GALNTL6: variants seen among roughly 807,000 people sequenced by gnomAD.
GALNTL6 encodes the protein polypeptide N-acetylgalactosaminyltransferase like 6.
A neutral mutation model predicts 73.7 loss-of-function variants in GALNTL6; 46 were observed. The ratio of observed to expected loss-of-function variants is 0.62; its 90% CI spans 0.49 to 0.80. The LOEUF (loss-of-function observed/expected upper bound fraction) is 0.80. GALNTL6 is among the 30% of genes least tolerant of loss of function. The pLI is 0.00. For synonymous variants in GALNTL6, 259 were observed against 263.7 expected, an observed-to-expected ratio of 0.98 and a Z score of 0.17; for missense variants, 604 against 755.0, an observed-to-expected ratio of 0.80 and a Z score of 2.34.
chr4:172,603,636 G>T (rs1383738785), intron 5 of GALNTL6, among the ~76,000 whole-genome samples: 2 of 152,046 alleles, frequency 1.3e-5, no homozygotes, highest in African/African-American at 4.8e-5. Flanking sequence ...AAAACTTAAT[G>T]GTATCTATAG....
At chr4:172,901,040 G>A (rs1746600876) in intron 8 of GALNTL6, among the ~76,000 whole-genome samples, 1 of 152,064 alleles carries the variant, frequency 6.6e-6, no homozygotes, top group East Asian at 1.9e-4. Flanking sequence ...CGATATAATT[G>A]GAATGCAGCC....
intron 5 of GALNTL6, among the ~76,000 whole-genome samples, chr4:172,660,100 G>C (rs1731288978): frequency 6.6e-6 from 1 of 152,166 alleles, no homozygotes; most frequent in East Asian, 1.9e-4. Flanking sequence ...GAAATACGTT[G>C]CTTTTTAGAA....
chr4:172,461,270 C>T lies in GALNTL6; in HGVS notation c.553+112581C>T, dbSNP rs143934865. Reference sequence around the variant, plus strand: ...TAGTAGAAAAACCTAATGTAGGTGACGGGTTGATGAGTGCAGCGAACCACC... The same window carrying T: ...TAGTAGAAAAACCTAATGTAGGTGATGGGTTGATGAGTGCAGCGAACCACC... On this transcript the variant is annotated intron_variant, in intron 5 of 12. Coordinates refer to ENST00000506823, the MANE Select transcript of GALNTL6 (RefSeq NM_001034845.3). Among the ~76,000 whole-genome samples the T allele has an allele frequency of 1.4e-4, 21 of 152,094 alleles. 1 individual carries two copies. Among genetic ancestry groups the T allele is most frequent in the South Asian group, 4.2e-4 (2 of 4,812 alleles).
intron 2 of GALNTL6, among the ~76,000 whole-genome samples, chr4:172,020,824 T>C (rs957412688): frequency 4.6e-5 from 7 of 152,002 alleles, no homozygotes; most frequent in Admixed American, 2.0e-4. Context: ...TGTATTACCC[T>C]GATACTTACA....
chr4:172,295,779 G>A (rs6846637), intron 3 of GALNTL6, among the ~76,000 whole-genome samples: 5,579 of 150,938 alleles, frequency 0.037, 336 homozygotes, highest in African/African-American at 0.13. Flanking sequence ...TACCACTAAC[G>A]GCAACAATAA....
intron 8 of GALNTL6, 92 bp downstream of exon 8, chr4:172,882,999 GATGACTTA>G: frequency 1.4e-6 from 1 of 712,140 alleles, no homozygotes. Context: ...TGTGTTCTGG[GATGACTTA>G]ATGGTAATAG....
intron 2 of GALNTL6, among the ~76,000 whole-genome samples, chr4:171,844,337 T>A (rs1191186546): frequency 1.3e-5 from 2 of 151,930 alleles, no homozygotes; most frequent in African/African-American, 2.4e-5. Context: ...CTAAGGTGTA[T>A]TTTTTTTCTA....
At chr4:172,622,845 G>A (rs769169851) in intron 5 of GALNTL6, among the ~76,000 whole-genome samples, 2 of 152,040 alleles carry the variant, frequency 1.3e-5, no homozygotes, top group Admixed American at 1.3e-4. Context: ...TTGATGATGA[G>A]GAGATGTGAA....
chr4:172,389,088 G>T (rs1036086219), intron 5 of GALNTL6, among the ~76,000 whole-genome samples: 7 of 152,022 alleles, frequency 4.6e-5, no homozygotes, highest in Admixed American at 1.3e-4. Context: ...GTAATTTCAG[G>T]AACTATGACC....
intron 5 of GALNTL6, among the ~76,000 whole-genome samples, chr4:172,524,013 CAGT>C (rs1734869478): frequency 1.3e-5 from 2 of 152,120 alleles, no homozygotes; most frequent in Non-Finnish European, 2.9e-5. Context: ...AAACAACCAC[CAGT>C]ATAAGTTCTA....
intron 5 of GALNTL6, among the ~76,000 whole-genome samples, chr4:172,629,318 T>C (rs1326755709): frequency 6.6e-6 from 1 of 152,208 alleles, no homozygotes; most frequent in Non-Finnish European, 1.5e-5. Context: ...AAATTTATTA[T>C]TTATGGACAA....
chr4:172,028,286 GA>G lies in GALNTL6; in HGVS notation c.139-201361del, dbSNP rs558382670. ...GCAATTTATTGTGGTAGTGCGAAAT[GA>G]AAAAAAAAGTATAAAAACTTCAAAA... On this transcript the variant is annotated intron_variant, in intron 2 of 12. Coordinates refer to ENST00000506823, the MANE Select transcript of GALNTL6 (RefSeq NM_001034845.3). Among the ~76,000 whole-genome samples, 119 of 144,090 alleles carry G rather than the reference GA, an allele frequency of 8.3e-4. 1 individual carries two copies. The highest frequency in any genetic ancestry group is 2.6e-3 in the African/African-American group (105 of 39,932). 94.5% of individuals were successfully genotyped at this position (144,090 alleles called of 152,430 possible).
intron 2 of GALNTL6, among the ~76,000 whole-genome samples, chr4:172,009,765 CTG>C (rs1443836100): frequency 6.6e-6 from 1 of 152,040 alleles, no homozygotes; most frequent in Non-Finnish European, 1.5e-5. Context: ...TTCCCAGTCT[CTG>C]TGAGTTTTTG....
intron 2 of GALNTL6, among the ~76,000 whole-genome samples, chr4:172,110,332 A>C (rs183975450): frequency 1.2e-3 from 188 of 152,310 alleles, no homozygotes; most frequent in Admixed American, 2.0e-3. Flanking sequence ...ACGTGGTTAA[A>C]AATTATCGGA....
intron 5 of GALNTL6, among the ~76,000 whole-genome samples, chr4:172,651,745 G>A (rs962402644): frequency 5.9e-5 from 9 of 152,158 alleles, no homozygotes; most frequent in Non-Finnish European, 1.0e-4. Context: ...GCTGAAAATC[G>A]TAGTGTAAAA....
At chr4:172,799,870 GC>G (rs1385935357) in intron 5 of GALNTL6, among the ~76,000 whole-genome samples, 2 of 152,106 alleles carry the variant, frequency 1.3e-5, no homozygotes, top group African/African-American at 4.8e-5. Flanking sequence ...CAACCAAAAT[GC>G]CCACCAACTG....
intron 5 of GALNTL6, among the ~76,000 whole-genome samples, chr4:172,569,549 G>A (rs916542135): frequency 1.3e-5 from 2 of 152,136 alleles, no homozygotes; most frequent in Admixed American, 6.5e-5. Flanking sequence ...GGCATTTACC[G>A]CTCTGTCTTC....
chr4:172,757,465 T>C (rs1560931457), intron 5 of GALNTL6, among the ~76,000 whole-genome samples: 1 of 152,200 alleles, frequency 6.6e-6, no homozygotes, highest in Non-Finnish European at 1.5e-5. Flanking sequence ...TTTTTTCCAT[T>C]TTACTGGTGA....
At chr4:172,261,646 T>G (rs984346377) in intron 3 of GALNTL6, among the ~76,000 whole-genome samples, 3 of 151,352 alleles carry the variant, frequency 2.0e-5, no homozygotes, top group Non-Finnish European at 4.4e-5. Context: ...TGGGTTTGTT[T>G]TTGGTTTATT....
Sources: gnomAD v4.1 joint callset for allele counts (sites outside exome capture counted in the v4.1 genomes callset) on GRCh38, gnomAD v4.1.1 for gene constraint, MANE v1.5 for transcripts, NCBI Gene and HGNC (gene_info 2026-07-23, HGNC 2026-07-21) for gene names.